Variants in MTFR2 observed in about 807,000 individuals in gnomAD.
MTFR2 encodes DUF729 domain-containing protein 1.
In MTFR2, 44 loss-of-function variants were observed where a neutral mutation model predicts 41.2. The observed-to-expected ratio is 1.07, with a 90% CI of 0.84 to 1.37. The LOEUF (loss-of-function observed/expected upper bound fraction) is 1.37. Among genes scored for constraint, MTFR2 ranks in the 40% most tolerant of loss-of-function variants. The pLI, the probability that MTFR2 is intolerant of heterozygous loss-of-function variation, is 0.00. For missense variants in MTFR2, 452 were observed against 459.5 expected, an observed-to-expected ratio of 0.98 and a Z score of 0.15; for synonymous variants, 141 against 154.6, an observed-to-expected ratio of 0.91 and a Z score of 0.65.
At chr6:136,238,820 G>A (rs554225972) in intron 6 of MTFR2, among the ~76,000 whole-genome samples, 7 of 152,076 alleles carry the variant, frequency 4.6e-5, no homozygotes, top group Admixed American at 1.3e-4. Context: ...TAATCCCAGC[G>A]CTTTGGGAGG....
chr6:136,240,973 C>T (rs1339237021), intron 5 of MTFR2, among the ~76,000 whole-genome samples: 2 of 152,100 alleles, frequency 1.3e-5, no homozygotes, highest in Non-Finnish European at 2.9e-5. Context: ...CGCCTGTAGT[C>T]CCAGCTACTC....
chr6:136,248,539 G>A (rs1157522673), intron 2 of MTFR2, among the ~76,000 whole-genome samples: 1 of 152,152 alleles, frequency 6.6e-6, no homozygotes, highest in Non-Finnish European at 1.5e-5. Flanking sequence ...CAATGATTGT[G>A]AGGCCTCCCC....
intron 7 of MTFR2, among the ~76,000 whole-genome samples, chr6:136,232,479 G>C (rs896162335): frequency 6.6e-6 from 1 of 152,058 alleles, no homozygotes; most frequent in African/African-American, 2.4e-5. Flanking sequence ...GGCTGGTCTC[G>C]AACTCCTGAC....
Position 136,239,838 on chromosome 6 carries a change from T to G in MTFR2, c.515-18A>C. On this transcript the variant is annotated intron_variant, in intron 5 of 7. Coordinates refer to ENST00000420702, the MANE Select transcript of MTFR2 (RefSeq NM_001099286.3). ...AAAGGAACCTACAAACAAAGTGGTT[T>G]ATTACAAAATCATGCACAATTATCT... The G allele has an allele frequency of 6.4e-7, 1 of 1,573,974 alleles. No homozygotes were observed. The highest frequency in any genetic ancestry group is 8.6e-7 in the Non-Finnish European group (1 of 1,159,088).
intron 6 of MTFR2, among the ~76,000 whole-genome samples, chr6:136,235,043 T>C (rs1016216255): frequency 1.3e-5 from 2 of 152,252 alleles, no homozygotes; most frequent in African/African-American, 2.4e-5. Flanking sequence ...GTGTGCGCCA[T>C]CATGTCAGGG....
At chr6:136,231,430 TC>T in intron 7 of MTFR2, 42 bp from the exon 8 acceptor site, 5 of 1,247,530 alleles carry the variant, frequency 4.0e-6, no homozygotes, top group Admixed American at 2.3e-5. Flanking sequence ...TATTCTAATG[TC>T]AAAAAAAAAA....
In MTFR2 at chr6:136,231,370, G is replaced by A. The variant is rs1779750914; in HGVS notation, c.1063C>T (p.Gln355Ter). ...ETSRFGHHIS[Q>*]SEGQRTKEEM... ...TCTTTAGTTCGCTGTCCTTCTGACTGTGAAATGTGATGTCCAAACTGAAAT... is the reference window on the plus strand; with the variant it reads ...TCTTTAGTTCGCTGTCCTTCTGACTATGAAATGTGATGTCCAAACTGAAAT... Residue 355 changes from glutamine (Q) to a stop codon, truncating the protein, a stop_gained, in exon 8 of 8, where the codon CAG becomes TAG. Transcript: ENST00000420702. LOFTEE classifies it high-confidence loss of function. 2 of 1,607,968 alleles carry A rather than the reference G, an allele frequency of 1.2e-6. No individual in the cohort carries two copies. Among genetic ancestry groups the A allele is most frequent in the Non-Finnish European group, 1.7e-6 (2 of 1,176,806 alleles).
rs1178982381 is a variant in MTFR2, at chr6:136,239,561, A to C, written c.774T>G (p.Tyr258Ter). 2.4e-5 allele frequency: 39 copies of C among 1,614,136 alleles called. No homozygotes were observed. Among genetic ancestry groups the C allele is most frequent in the Non-Finnish European group, 3.2e-5 (38 of 1,180,008 alleles). The change falls in exon 6 of 8, where the codon TAT (tyrosine) becomes TAG (stop). Residue 258 changes from tyrosine (Y) to a stop codon, truncating the protein, a stop_gained. Transcript: ENST00000420702. LOFTEE classifies it high-confidence loss of function. ...KQNPAANKTN[Y>*]SHHSKSQRNK... ...TTCTCTGGCTTTTTGAATGATGACT[A>C]TAATTGGTCTTATTAGCAGCCGGGT...
chr6:136,239,528 ATCTT>A lies in MTFR2; in HGVS notation c.803_806del (p.Lys268IlefsTer9), dbSNP rs1779991463. 7 of 1,614,194 alleles carry A rather than the reference ATCTT, an allele frequency of 4.3e-6. No homozygotes were observed. The highest frequency in any genetic ancestry group is 5.1e-6 in the Non-Finnish European group (6 of 1,180,026). On this transcript the variant is annotated frameshift_variant, in exon 6 of 8. Transcript: ENST00000420702. LOFTEE classifies it high-confidence loss of function. ...TTAGAACGTCCAACATGTTTGGAAT[ATCTT>A]TATTTCTCTGGCTTTTTGAATGATG...
At chr6:136,238,618 C>T (rs1323730307) in intron 6 of MTFR2, among the ~76,000 whole-genome samples, 2 of 150,734 alleles carry the variant, frequency 1.3e-5, no homozygotes, top group African/African-American at 4.9e-5. Context: ...TTGTGCTTAA[C>T]GATACTGTAT....
chr6:136,242,015 G>A (rs929122961), intron 4 of MTFR2, among the ~76,000 whole-genome samples: 1 of 148,800 alleles, frequency 6.7e-6, no homozygotes, highest in Non-Finnish European at 1.5e-5. Context: ...GGGAGGCAGA[G>A]GTTGTGGTGA....
Position 136,233,483 on chromosome 6 carries a change from G to T in MTFR2, c.886C>A (p.Pro296Thr). 4 of 1,524,566 alleles carry T rather than the reference G, an allele frequency of 2.6e-6. No homozygotes were observed. The highest frequency in any genetic ancestry group is 1.9e-5 in the Admixed American group (1 of 51,590). 94.4% of individuals were successfully genotyped at this position (1,524,566 alleles called of 1,614,324 possible). A position where few individuals can be genotyped will look rare whatever the true frequency, so the allele number is the denominator to read the frequency against. Residue 296 changes from proline (P) to threonine (T), a missense_variant, in exon 7 of 8, where the codon CCC becomes ACC. By Grantham distance (38) the Pro-to-Thr change is conservative. Transcript: ENST00000420702. Reference protein sequence around the residue: ...RAIERSPGGRPIHKRKRQNSH... With the variant: ...RAIERSPGGRTIHKRKRQNSH... ...TTCTGTCTTTTCCTCTTATGAATGGGTCTACCGCCAGGTGACCTATTTTTT... is the reference window on the plus strand; with the variant it reads ...TTCTGTCTTTTCCTCTTATGAATGGTTCTACCGCCAGGTGACCTATTTTTT...
chr6:136,245,877 C>T (rs944469908), intron 2 of MTFR2, among the ~76,000 whole-genome samples: 2 of 152,140 alleles, frequency 1.3e-5, no homozygotes, highest in African/African-American at 4.8e-5. Flanking sequence ...TCTTCAAAAT[C>T]CCTTATATAG....
chr6:136,245,847 T>C (rs1780199361), intron 2 of MTFR2, among the ~76,000 whole-genome samples: 1 of 152,234 alleles, frequency 6.6e-6, no homozygotes, highest in Non-Finnish European at 1.5e-5. Flanking sequence ...AAGATTATTT[T>C]ACATTTTTTT....
Position 136,239,801 on chromosome 6 carries a change from G to A in MTFR2, c.534C>T (p.Asp178=), listed in dbSNP as rs375149441. The A allele has an allele frequency of 3.8e-5, 61 of 1,607,912 alleles. No homozygotes were observed. The highest frequency in any genetic ancestry group is 8.4e-5 in the Admixed American group (5 of 59,448). ...ACAGCTGACCCAAACTAATGCGCTC[G>A]TCACTCAAGCCAAAGGAACCTACAA... ...STNSSSFGLS[D]ERISLGQLSS... is the part of the protein sequence containing the mutation. The change falls in exon 6 of 8, where the codon GAC becomes GAT. Residue 178 remains aspartate, a synonymous_variant. Transcript: ENST00000420702.
chr6:136,236,831 T>G (rs990823032), intron 6 of MTFR2, among the ~76,000 whole-genome samples: 6 of 152,170 alleles, frequency 3.9e-5, no homozygotes, highest in African/African-American at 1.4e-4. Context: ...ACTGAGGGAT[T>G]TCCAAGTAAG....
intron 2 of MTFR2, among the ~76,000 whole-genome samples, chr6:136,246,671 A>AT (rs1217168521): frequency 6.6e-6 from 1 of 151,984 alleles, no homozygotes; most frequent in East Asian, 1.9e-4. Flanking sequence ...CCAAGCATGG[A>AT]TTTTCTGGTT....
At position 136,244,771 on chromosome 6, in the gene MTFR2, A is replaced by G. The variant is rs370498597; in HGVS notation, c.162T>C (p.Asn54=). The change falls in exon 3 of 8, where the codon AAT becomes AAC. Residue 54 remains asparagine (N), a synonymous_variant. Transcript: ENST00000420702. ...MLPLEPCRRP[N]FELIPLLNSV... is the part of the protein sequence containing the mutation. ...TTTATGTTGACTGACTTACCTCAAA[A>G]TTAGGTCTTCGACAAGGTTCCAGTG... is the stretch of plus-strand genomic sequence containing the variant. 9.9e-6 allele frequency: 16 copies of G among 1,608,846 alleles called. No individual in the cohort carries two copies. The African/African-American group carries it at 2.1e-4, about 21-fold the overall frequency.
chr6:136,233,108 T>G (rs1779807628), intron 7 of MTFR2: 1 of 395,106 alleles, frequency 2.5e-6, no homozygotes, highest in Non-Finnish European at 4.6e-6. Flanking sequence ...TTTTTCAAAT[T>G]AAGTATTTTA....
Sources: gnomAD v4.1 joint callset for allele counts (sites outside exome capture counted in the v4.1 genomes callset) on GRCh38, gnomAD v4.1.1 for gene constraint, MANE v1.5 for transcripts, NCBI Gene and HGNC (gene_info 2026-07-23, HGNC 2026-07-21) for gene names.